The following GRM7 variants were observed in gnomAD, a reference collection of about 807,000 sequenced individuals.
The protein encoded by GRM7 is metabotropic glutamate receptor 7.
In GRM7, 35 loss-of-function variants were observed where a neutral mutation model predicts 84.5. The ratio of observed to expected loss-of-function variants is 0.41; its 90% CI spans 0.32 to 0.55. The LOEUF (loss-of-function observed/expected upper bound fraction) is 0.55. Among genes scored for constraint, GRM7 ranks in the 20% least tolerant of loss-of-function variants. The pLI, the probability that GRM7 is intolerant of heterozygous loss-of-function variation, is 0.19. For synonymous variants in GRM7, 487 were observed against 455.1 expected, an observed-to-expected ratio of 1.07 and a Z score of -0.89; for missense variants, 1,003 against 1,194.6, an observed-to-expected ratio of 0.84 and a Z score of 2.36.
chr3:7,203,715 G>A (rs1012903197), intron 2 of GRM7, among the ~76,000 whole-genome samples: 2 of 152,208 alleles, frequency 1.3e-5, no homozygotes, highest in African/African-American at 4.8e-5. Flanking sequence ...CCCACGAAAT[G>A]TGTGTATGTG....
At chr3:7,436,474 C>T (rs1270491296) in intron 5 of GRM7, among the ~76,000 whole-genome samples, 2 of 138,224 alleles carry the variant, frequency 1.4e-5, no homozygotes, top group Non-Finnish European at 3.2e-5. Context: ...AAAAACATGT[C>T]GTGGGCCATA....
At chr3:6,912,494 A>G (rs1188297198) in intron 1 of GRM7, among the ~76,000 whole-genome samples, 1 of 152,230 alleles carries the variant, frequency 6.6e-6, no homozygotes, top group Non-Finnish European at 1.5e-5. Context: ...TTTCCAATAT[A>G]GAAATCTTCA....
At chr3:7,712,413 C>T (rs995091950) in intron 9 of GRM7, among the ~76,000 whole-genome samples, 5 of 151,896 alleles carry the variant, frequency 3.3e-5, no homozygotes, top group Non-Finnish European at 7.4e-5. Flanking sequence ...ATGACTTTCT[C>T]TCTCTCTTCC....
intron 8 of GRM7, among the ~76,000 whole-genome samples, chr3:7,609,543 G>A (rs558152967): frequency 6.6e-6 from 1 of 151,746 alleles, no homozygotes; most frequent in South Asian, 2.1e-4. Flanking sequence ...ACATTAGCAG[G>A]AGGAAAAAAC....
At chr3:6,987,626 C>A (rs1199886137) in intron 1 of GRM7, among the ~76,000 whole-genome samples, 1 of 152,176 alleles carries the variant, frequency 6.6e-6, no homozygotes, top group East Asian at 1.9e-4. Flanking sequence ...AGTTTGAGAG[C>A]TATTCAAGCT....
intron 4 of GRM7, among the ~76,000 whole-genome samples, chr3:7,308,669 G>T (rs2125037949): frequency 6.6e-6 from 1 of 152,264 alleles, no homozygotes; most frequent in East Asian, 1.9e-4. Flanking sequence ...GGCATTGGAA[G>T]GTTTAGAAGT....
intron 9 of GRM7, among the ~76,000 whole-genome samples, chr3:7,701,703 G>A (rs889925692): frequency 6.6e-5 from 10 of 152,066 alleles, no homozygotes; most frequent in African/African-American, 2.4e-4. Flanking sequence ...AACTCCCTGT[G>A]GATGGTCAGT....
chr3:7,550,567 C>CTGTG (rs1346206686), intron 7 of GRM7, among the ~76,000 whole-genome samples: 4 of 101,964 alleles, frequency 3.9e-5, no homozygotes, highest in African/African-American at 1.3e-4. Context: ...CTCTCTCTCT[C>CTGTG]TCTCTCTCTC....
At chr3:7,715,962 C>T (rs764080932) in intron 9 of GRM7, among the ~76,000 whole-genome samples, 2 of 152,180 alleles carry the variant, frequency 1.3e-5, no homozygotes, top group Non-Finnish European at 2.9e-5. Flanking sequence ...CCTTCCCTAA[C>T]CCAAGCCAGG....
In GRM7 at chr3:7,722,657, G is replaced by T. The variant is rs146318394; in HGVS notation, c.2699-17700G>T. Among the ~76,000 whole-genome samples the T allele has an allele frequency of 2.8e-3, 421 of 152,124 alleles. 3 individuals are homozygous for T. Among genetic ancestry groups the T allele is most frequent in the African/African-American group, 9.6e-3 (398 of 41,494 alleles). ...AGGGGTTCACCACGTTGGCCAGGCT[G>T]GTCTCAAACTCCTGAGCTCAAGTGA... On this transcript the variant is annotated intron_variant, in intron 9 of 9. Transcript: ENST00000357716.
chr3:7,147,898 G>A (rs994739018), intron 2 of GRM7, among the ~76,000 whole-genome samples: 1 of 152,098 alleles, frequency 6.6e-6, no homozygotes, highest in Non-Finnish European at 1.5e-5. Context: ...TTGTTTTGTT[G>A]GCTTGGTCTT....
chr3:6,861,787 C>G lies in GRM7; in HGVS notation c.399C>G (p.Asp133Glu). 2 of 1,614,222 alleles carry G rather than the reference C, an allele frequency of 1.2e-6. No homozygotes were observed. The highest frequency in any genetic ancestry group is 1.3e-5 in the African/African-American group (1 of 75,076). The change falls in exon 1 of 10, where the codon GAC becomes GAG. Residue 133 changes from aspartate to glutamate, a missense_variant. By Grantham distance (45) the Asp-to-Glu change is conservative (BLOSUM62 2). Around this residue, in one of 2 missense-constraint regions of GRM7, gnomAD observed 910 missense variants for 1,126.0 expected, o/e 0.81. Coordinates refer to ENST00000357716, the MANE Select transcript of GRM7 (RefSeq NM_000844.4). The surrounding 1 kb of genome is among the most constrained non-coding windows in gnomAD (Gnocchi z 6.4). ...CGCTCATCCAGAAGGACACCTCCGA[C>G]GTGCGCTGCACCAACGGCGAACCGC... is the stretch of plus-strand genomic sequence containing the variant. ...VQALIQKDTS[D>E]VRCTNGEPPV...
chr3:7,534,012 C>CTT (rs3034006), intron 7 of GRM7, among the ~76,000 whole-genome samples: 1 of 111,616 alleles, frequency 9.0e-6, no homozygotes, highest in Non-Finnish European at 1.9e-5. Flanking sequence ...GGGCTGAATA[C>CTT]TTTTTTTTTT....
At chr3:7,263,448 C>T (rs1437479636) in intron 2 of GRM7, among the ~76,000 whole-genome samples, 1 of 152,114 alleles carries the variant, frequency 6.6e-6, no homozygotes, top group East Asian at 1.9e-4. Flanking sequence ...GGTGCACCCT[C>T]ATTGGCTGTG....
At chr3:7,575,815 G>C (rs1186676146) in intron 7 of GRM7, among the ~76,000 whole-genome samples, 5 of 152,110 alleles carry the variant, frequency 3.3e-5, no homozygotes, top group African/African-American at 1.2e-4. Context: ...CAGTCAATGT[G>C]ATGTTCGTGG....
At chr3:7,329,922 C>T (rs1220697151) in intron 4 of GRM7, among the ~76,000 whole-genome samples, 1 of 151,830 alleles carries the variant, frequency 6.6e-6, no homozygotes, top group Non-Finnish European at 1.5e-5. Context: ...GTGTAGATGG[C>T]ATATGGATTT....
chr3:7,075,245 G>A (rs186322420), intron 1 of GRM7, among the ~76,000 whole-genome samples: 3 of 152,282 alleles, frequency 2.0e-5, no homozygotes, highest in Non-Finnish European at 2.9e-5. Context: ...AACTGTCAAA[G>A]TAAAGACCTT....
intron 1 of GRM7, among the ~76,000 whole-genome samples, chr3:6,883,819 C>G (rs1261169294): frequency 6.6e-6 from 1 of 152,124 alleles, no homozygotes; most frequent in Non-Finnish European, 1.5e-5. Context: ...GAATCTTGAT[C>G]CAGTCAGCCC....
At chr3:7,594,710 G>T (rs910679865) in intron 8 of GRM7, among the ~76,000 whole-genome samples, 2 of 152,108 alleles carry the variant, frequency 1.3e-5, no homozygotes, top group Non-Finnish European at 2.9e-5. Flanking sequence ...TGCAACCAGG[G>T]ATGATTTGAG....
Sources: gnomAD v4.1 joint callset for allele counts (sites outside exome capture counted in the v4.1 genomes callset) on GRCh38, gnomAD v4.1.1 for gene constraint, gnomAD v4.1.1 regional missense constraint, Gnocchi (gnomAD v3.1) non-coding constraint, MANE v1.5 for transcripts, NCBI Gene and HGNC (gene_info 2026-07-23, HGNC 2026-07-21) for gene names.